ZNF480: variants seen among roughly 807,000 people sequenced by gnomAD.
The protein encoded by ZNF480 is zinc finger protein 480.
ZNF480 carries 15 observed loss-of-function variants against 14.4 expected under a neutral mutation model. That is an observed-to-expected ratio of 1.04 (90% CI 0.70 to 1.60). The LOEUF (loss-of-function observed/expected upper bound fraction) is 1.60, where lower values mean the gene tolerates loss of function less well. Among genes scored for constraint, ZNF480 ranks in the 40% most tolerant of loss-of-function variants. ZNF480 has a pLI of 0.00. For synonymous variants in ZNF480, 218 were observed against 215.5 expected (o/e 1.01, Z -0.10); for missense variants, 593 against 629.7 (o/e 0.94, Z 0.62).
At chr19:52,320,730 G>A (rs987424155) in intron 4 of ZNF480, among the ~76,000 whole-genome samples, 3 of 152,186 alleles carry the variant, frequency 2.0e-5, no homozygotes, top group African/African-American at 4.8e-5. Flanking sequence ...GGTGGAGGTT[G>A]CAGTGAGCTG....
At chr19:52,314,780 G>T (rs543685806) in intron 3 of ZNF480, among the ~76,000 whole-genome samples, 22 of 151,414 alleles carry the variant, frequency 1.5e-4, no homozygotes, top group Non-Finnish European at 2.8e-4. Flanking sequence ...CTCCAGCCTG[G>T]GTAACAAGAG....
intron 2 of ZNF480, among the ~76,000 whole-genome samples, chr19:52,311,493 A>C (rs1234642495): frequency 6.6e-6 from 1 of 152,072 alleles, no homozygotes; most frequent in African/African-American, 2.4e-5. Context: ...TATATTTTTG[A>C]ATCTGGGTAT....
At chr19:52,311,290 C>T (rs1466784159) in intron 2 of ZNF480, among the ~76,000 whole-genome samples, 1 of 151,734 alleles carries the variant, frequency 6.6e-6, no homozygotes, top group African/African-American at 2.4e-5. Flanking sequence ...TTGAGACCAC[C>T]CTAGGCAACA....
intron 1 of ZNF480, 39 bp downstream of exon 1, chr19:52,297,262 A>C (rs2122503846): frequency 4.5e-6 from 2 of 446,978 alleles, no homozygotes; most frequent in East Asian, 7.4e-5. Context: ...GCGCTTCCCA[A>C]CTCCCCCGCG....
rs188059709 is a variant in ZNF480 at position 52,303,258 on chromosome 19, A to G, written c.72+2774A>G. Among the ~76,000 whole-genome samples the G allele has an allele frequency of 3.2e-3, 493 of 152,274 alleles. 8 individuals carry two copies. The highest frequency in any genetic ancestry group is 0.028 in the East Asian group (144 of 5,180). ...TGTAAAAACATTTTCAGCACTTTTA[A>G]TTGGTTTAAATTTAGTCATTCTAGG... On this transcript the variant is annotated intron_variant, in intron 2 of 4. Coordinates refer to ENST00000595962, the MANE Select transcript of ZNF480 (RefSeq NM_144684.4).
intron 2 of ZNF480, chr19:52,308,830 C>T (rs987127065): frequency 7.3e-6 from 1 of 136,076 alleles, no homozygotes; most frequent in Non-Finnish European, 1.6e-5. Context: ...AGGAGGAAAT[C>T]ATATTCTTGT....
At chr19:52,300,855 A>C (rs1982658585) in intron 2 of ZNF480, 1 of 258,856 alleles carries the variant, frequency 3.9e-6, no homozygotes. Context: ...ATTCTTAGCA[A>C]GGAGTAGAGA....
intron 4 of ZNF480, 46 bp downstream of exon 4, chr19:52,316,008 C>CA: frequency 6.8e-7 from 1 of 1,469,422 alleles, no homozygotes. Context: ...GTTGTTTGGG[C>CA]TTTTTTTTTG....
chr19:52,317,338 C>G (rs966603340), intron 4 of ZNF480: 1 of 151,906 alleles, frequency 6.6e-6, no homozygotes, highest in Non-Finnish European at 1.5e-5. Context: ...TTTTAAGTAT[C>G]TCTTCAAGAT....
intron 2 of ZNF480, among the ~76,000 whole-genome samples, chr19:52,304,594 T>C (rs1982841208): frequency 6.6e-6 from 1 of 152,018 alleles, no homozygotes; most frequent in African/African-American, 2.4e-5. Context: ...CCATGAAAAA[T>C]TATATCCTAA....
intron 1 of ZNF480, among the ~76,000 whole-genome samples, chr19:52,300,073 G>A (rs1982611815): frequency 6.6e-6 from 1 of 152,220 alleles, no homozygotes; most frequent in African/African-American, 2.4e-5. Context: ...GGGATCCATA[G>A]AGAGGAGAGG....
chr19:52,313,413 C>T (rs1163905817), intron 2 of ZNF480, among the ~76,000 whole-genome samples: 1 of 151,740 alleles, frequency 6.6e-6, no homozygotes, highest in Admixed American at 6.6e-5. Flanking sequence ...CCTGGGATTA[C>T]AGGCGTGAGC....
chr19:52,308,918 GT>G (rs1983131256), intron 2 of ZNF480, among the ~76,000 whole-genome samples: 1 of 152,010 alleles, frequency 6.6e-6, no homozygotes. Flanking sequence ...AAATGTACAG[GT>G]TAGGCCATCA....
intron 2 of ZNF480, chr19:52,308,772 G>A (rs1398784076): frequency 1.3e-5 from 2 of 150,778 alleles, no homozygotes; most frequent in Non-Finnish European, 3.0e-5. Flanking sequence ...AGCAAAAAAT[G>A]TGATAATTTT....
chr19:52,301,198 C>A (rs1328440588), intron 2 of ZNF480: 1 of 152,564 alleles, frequency 6.6e-6, no homozygotes, highest in Non-Finnish European at 1.5e-5. Flanking sequence ...GCATGCTACA[C>A]AAAGACAAAC....
chr19:52,310,700 T>C (rs965113899), intron 2 of ZNF480, among the ~76,000 whole-genome samples: 18 of 152,076 alleles, frequency 1.2e-4, no homozygotes, highest in Non-Finnish European at 1.8e-4. Flanking sequence ...TCTAGTAATT[T>C]CTTAAGATGT....
intron 4 of ZNF480, chr19:52,317,416 G>C (rs1414254142): frequency 6.6e-6 from 1 of 152,182 alleles, no homozygotes. Context: ...TGTTGCCCAG[G>C]CTGGAGTGCA....
intron 2 of ZNF480, among the ~76,000 whole-genome samples, chr19:52,309,335 G>T (rs1202882919): frequency 6.6e-6 from 1 of 152,114 alleles, no homozygotes; most frequent in African/African-American, 2.4e-5. Context: ...TCACTGAAGG[G>T]GGTGACCAGG....
rs1425678881 is a variant in ZNF480 at position 52,311,376 on chromosome 19, C to G, written c.73-2777C>G. On this transcript the variant is annotated intron_variant, in intron 2 of 4. Transcript: ENST00000595962. ...TTATATCAATAAAGATGGGATCTTT[C>G]TATGTTGCCCAGGCTGTTCTCAAAC... 5.3e-5 allele frequency among the ~76,000 whole-genome samples: 8 copies of G among 152,080 alleles called. No individual in the cohort carries two copies. The East Asian group carries it at 9.7e-4, about 18-fold the overall frequency.
Sources: allele counts gnomAD v4.1 joint callset (sites outside exome capture counted in the v4.1 genomes callset), GRCh38; gene constraint gnomAD v4.1.1; transcripts MANE v1.5; gene names NCBI Gene and HGNC (gene_info 2026-07-23, HGNC 2026-07-21).